Variants in RCOR1 observed in about 807,000 individuals in gnomAD.
RCOR1 encodes REST corepressor.
RCOR1 carries 12 observed loss-of-function variants against 64.0 expected under a neutral mutation model. The ratio of observed to expected loss-of-function variants is 0.19; its 90% confidence interval spans 0.12 to 0.30. The LOEUF (loss-of-function observed/expected upper bound fraction) is 0.30. RCOR1 is among the 10% of genes least tolerant of loss of function. The pLI is 1.00. For missense variants in RCOR1, 502 were observed against 621.2 expected (o/e 0.81, Z 2.04); for synonymous variants, 279 against 227.2 (o/e 1.23, Z -2.05).
intron 3 of RCOR1, among the ~76,000 whole-genome samples, chr14:102,690,410 C>T (rs1895507673): frequency 6.6e-6 from 1 of 152,046 alleles, no homozygotes; most frequent in Non-Finnish European, 1.5e-5. Context: ...ACACCCTGGG[C>T]AGCATGGCAA....
chr14:102,659,045 G>C (rs1038575034), intron 2 of RCOR1: 1 of 810,010 alleles, frequency 1.2e-6, no homozygotes, highest in African/African-American at 1.9e-5. Context: ...CTCCTAGAGG[G>C]GAGTGGGGAA....
intron 2 of RCOR1, among the ~76,000 whole-genome samples, chr14:102,614,982 C>T (rs1241325917): frequency 6.6e-6 from 1 of 151,630 alleles, no homozygotes; most frequent in Non-Finnish European, 1.5e-5. Context: ...CAGGCACGTG[C>T]CACCATGCCC....
At chr14:102,703,953 G>A (rs890038341) in intron 4 of RCOR1, among the ~76,000 whole-genome samples, 2 of 152,224 alleles carry the variant, frequency 1.3e-5, no homozygotes, top group Non-Finnish European at 2.9e-5. Flanking sequence ...TCTTACGTTG[G>A]AGCTGCAGAT....
intron 2 of RCOR1, chr14:102,650,855 A>T: frequency 3.3e-6 from 1 of 302,716 alleles, no homozygotes; most frequent in Non-Finnish European, 4.8e-6. Context: ...GAGATATTTT[A>T]AACTTACGGG....
chr14:102,670,219 C>T (rs1895004462), intron 2 of RCOR1, among the ~76,000 whole-genome samples: 1 of 152,204 alleles, frequency 6.6e-6, no homozygotes, highest in South Asian at 2.1e-4. Context: ...TCCCAAAGTG[C>T]TGGGGTTACA....
intron 2 of RCOR1, among the ~76,000 whole-genome samples, chr14:102,613,317 G>T (rs1437353938): frequency 6.6e-6 from 1 of 151,466 alleles, no homozygotes; most frequent in Non-Finnish European, 1.5e-5. Flanking sequence ...GGCCTGGCTG[G>T]TATCAAACTC....
At chr14:102,615,842 A>G (rs1225843540) in intron 2 of RCOR1, among the ~76,000 whole-genome samples, 5 of 152,180 alleles carry the variant, frequency 3.3e-5, no homozygotes, top group Non-Finnish European at 1.5e-5. Flanking sequence ...TTGGGTTTCT[A>G]CCACTACACT....
At chr14:102,650,759 T>C (rs576985238) in intron 2 of RCOR1, among the ~76,000 whole-genome samples, 2 of 152,306 alleles carry the variant, frequency 1.3e-5, no homozygotes, top group South Asian at 4.1e-4. Context: ...TTGTTATATA[T>C]AAAGGGATAA....
rs148284685 is a variant in RCOR1 at position 102,634,394 on chromosome 14, A to C, written c.361+41069A>C. 1.8e-3 allele frequency among the ~76,000 whole-genome samples: 271 copies of C among 152,034 alleles called. 4 individuals carry two copies. The highest frequency in any genetic ancestry group is 6.4e-3 in the African/African-American group (264 of 41,450). On this transcript the variant is annotated intron_variant, in intron 2 of 11. Coordinates refer to ENST00000262241, the MANE Select transcript of RCOR1 (RefSeq NM_015156.4). ...TGTCTCAAAAACCAACCAACCAACC[A>C]ACCCGCAAAACCAAAACAGATCTCT...
intron 2 of RCOR1, among the ~76,000 whole-genome samples, chr14:102,622,106 G>C (rs1893886895): frequency 6.6e-6 from 1 of 152,182 alleles, no homozygotes; most frequent in African/African-American, 2.4e-5. Context: ...AGAAACAGTG[G>C]AAAATCATCT....
intron 2 of RCOR1, among the ~76,000 whole-genome samples, chr14:102,652,144 G>A (rs909711097): frequency 6.6e-6 from 1 of 152,146 alleles, no homozygotes; most frequent in Non-Finnish European, 1.5e-5. Context: ...ATTATTTTAA[G>A]TTCCTACTAT....
At chr14:102,717,705 G>A (rs1896093604) in intron 8 of RCOR1, among the ~76,000 whole-genome samples, 1 of 152,054 alleles carries the variant, frequency 6.6e-6, no homozygotes, top group African/African-American at 2.4e-5. Flanking sequence ...TTAATATATT[G>A]AGAAAAGAAA....
intron 2 of RCOR1, among the ~76,000 whole-genome samples, chr14:102,594,556 T>A (rs1260096028): frequency 6.6e-6 from 1 of 152,248 alleles, no homozygotes; most frequent in Non-Finnish European, 1.5e-5. Flanking sequence ...CTTCTAAATT[T>A]TGATTTGTTG....
intron 2 of RCOR1, among the ~76,000 whole-genome samples, chr14:102,632,133 A>G (rs747216393): frequency 4.6e-5 from 7 of 150,758 alleles, no homozygotes; most frequent in Non-Finnish European, 7.4e-5. Flanking sequence ...CTTGGTGGGC[A>G]CTGAATGATG....
intron 2 of RCOR1, among the ~76,000 whole-genome samples, chr14:102,605,994 C>T (rs8008356): frequency 0.13 from 19,199 of 152,090 alleles, 1,465 homozygotes; most frequent in African/African-American, 0.21. Context: ...GGCATGATCT[C>T]GGCTCACTGC....
At chr14:102,692,205 G>T (rs922237012) in intron 3 of RCOR1, among the ~76,000 whole-genome samples, 4 of 152,186 alleles carry the variant, frequency 2.6e-5, no homozygotes, top group African/African-American at 9.6e-5. Context: ...ATGTAGGGAT[G>T]AAATGAAATA....
At chr14:102,693,944 G>T (rs1895592454) in intron 3 of RCOR1, among the ~76,000 whole-genome samples, 2 of 152,050 alleles carry the variant, frequency 1.3e-5, no homozygotes, top group Non-Finnish European at 2.9e-5. Flanking sequence ...TCCCGTCTTG[G>T]CTTATCAAAG....
At chr14:102,698,738 T>C (rs1185338623) in intron 3 of RCOR1, among the ~76,000 whole-genome samples, 1 of 152,170 alleles carries the variant, frequency 6.6e-6, no homozygotes, top group Non-Finnish European at 1.5e-5. Context: ...GCATCTCATC[T>C]CCTCCAGTAT....
In RCOR1 at chr14:102,722,420, A is replaced by G; in HGVS notation, c.1419+4A>G. 1 of 1,605,148 alleles carries G rather than the reference A, an allele frequency of 6.2e-7. No individual in the cohort carries two copies. The highest frequency in any genetic ancestry group is 1.1e-5 in the South Asian group (1 of 90,556). The stretch of plus-strand genomic sequence containing the variant: ...GATGCCCGAAGAGGAAGACGAGGTA[A>G]ATCTGAAACAAAACAGTCACTTCTC... On this transcript the variant is annotated splice_donor_region_variant and intron_variant, in intron 11 of 11. Coordinates refer to ENST00000262241, the MANE Select transcript of RCOR1 (RefSeq NM_015156.4).
Sources: gnomAD v4.1 joint callset for allele counts (sites outside exome capture counted in the v4.1 genomes callset) on GRCh38, gnomAD v4.1.1 for gene constraint, MANE v1.5 for transcripts, NCBI Gene and HGNC (gene_info 2026-07-23, HGNC 2026-07-21) for gene names.